Variants in KATNAL2 observed in about 807,000 individuals in gnomAD.
KATNAL2 encodes the protein katanin catalytic subunit A1 like 2.
Under a neutral mutation model 76.3 loss-of-function variants are expected in KATNAL2, and 52 were observed. That is an observed-to-expected ratio of 0.68 (90% CI 0.55 to 0.86). KATNAL2 has a LOEUF of 0.86. KATNAL2 is among the 40% of genes least tolerant of loss of function. The pLI is 0.00. For missense variants in KATNAL2, 660 were observed against 668.9 expected (o/e 0.99, Z 0.15); for synonymous variants, 243 against 244.2 (o/e 1.00, Z 0.05).
intron 8 of KATNAL2, among the ~76,000 whole-genome samples, chr18:47,061,206 T>A (rs931497328): frequency 1.3e-5 from 2 of 152,224 alleles, no homozygotes; most frequent in African/African-American, 4.8e-5. Context: ...TATAAAGGAA[T>A]ACCTGAGGCT....
chr18:47,084,513 G>T, intron 15 of KATNAL2: 3 of 639,144 alleles, frequency 4.7e-6, no homozygotes, highest in Non-Finnish European at 2.8e-6. Flanking sequence ...GTTAAAGACA[G>T]TTCAACTGGT....
In KATNAL2 at chr18:46,943,784, C is replaced by G. The variant is rs78618133; in HGVS notation, c.-509-2273C>G. Among the ~76,000 whole-genome samples the G allele has an allele frequency of 7.2e-4, 110 of 152,324 alleles. 2 individuals carry two copies. The East Asian group carries it at 0.02, about 28-fold the overall frequency. On this transcript the variant is annotated intron_variant, in intron 1 of 17. Transcript: ENST00000683218. ...TCTTTTGGGGTCTGCATCAGGACTC[C>G]TTTCTGTTAACAATTTGTCCTGCAA...
intron 16 of KATNAL2, 44 bp from the exon 17 acceptor site, chr18:47,100,210 G>T (rs747606900): frequency 7.2e-7 from 1 of 1,395,832 alleles, no homozygotes; most frequent in East Asian, 2.3e-5. Context: ...ATGGCCAGGA[G>T]CATTCTGCCC....
intron 3 of KATNAL2, chr18:47,034,791 G>A (rs761478370): frequency 6.2e-7 from 1 of 1,612,442 alleles, no homozygotes. Context: ...GGGCTATTCT[G>A]GGGCACTTTC....
intron 3 of KATNAL2, chr18:47,032,866 A>C: frequency 6.5e-7 from 1 of 1,535,164 alleles, no homozygotes; most frequent in Non-Finnish European, 8.8e-7. Context: ...AGCACATGAC[A>C]CCTGCAGAAT....
At chr18:47,098,367 A>G (rs776589645) in intron 15 of KATNAL2, 1 of 226,208 alleles carries the variant, frequency 4.4e-6, no homozygotes, top group Non-Finnish European at 9.0e-6. Context: ...GACACTTCTT[A>G]TATGGTGGCA....
chr18:47,058,327 C>A lies in KATNAL2; in HGVS notation c.425C>A (p.Ser142Ter), dbSNP rs750377654. 1 of 1,613,186 alleles carries A rather than the reference C, an allele frequency of 6.2e-7. No individual in the cohort carries two copies. The highest frequency in any genetic ancestry group is 1.1e-5 in the South Asian group (1 of 91,052). The change falls in exon 7 of 18, where the codon TCG becomes TAG. Residue 142 changes from serine to a stop codon, truncating the protein, a stop_gained. Coordinates refer to ENST00000683218, the MANE Select transcript of KATNAL2 (RefSeq NM_001387690.1). LOFTEE classifies it high-confidence loss of function. ...TTAGKTGDTK[S>*]LNKEHPNQEV... Reference sequence around the variant, plus strand: ...GCGGGGAAGACAGGGGACACCAAATCGCTCAATAAGGAGCATCCTAATCAG... The same window carrying A: ...GCGGGGAAGACAGGGGACACCAAATAGCTCAATAAGGAGCATCCTAATCAG...
intron 15 of KATNAL2, among the ~76,000 whole-genome samples, chr18:47,094,222 C>G (rs2063130705): frequency 6.6e-6 from 1 of 152,194 alleles, no homozygotes. Context: ...AGCCTCTCAC[C>G]AGACACCAAA....
intron 4 of KATNAL2, among the ~76,000 whole-genome samples, chr18:47,048,448 C>A (rs1055874612): frequency 2.5e-4 from 38 of 152,122 alleles, no homozygotes; most frequent in Non-Finnish European, 4.6e-4. Flanking sequence ...AACCTATTGC[C>A]CCCTAGAAGG....
At chr18:47,041,843 G>C (rs1015531888) in intron 3 of KATNAL2, among the ~76,000 whole-genome samples, 1 of 152,198 alleles carries the variant, frequency 6.6e-6, no homozygotes, top group Non-Finnish European at 1.5e-5. Flanking sequence ...AGCAATCAGT[G>C]AGTTTCTGTT....
At chr18:47,085,290 T>C (rs1247173230) in intron 15 of KATNAL2, among the ~76,000 whole-genome samples, 3 of 152,210 alleles carry the variant, frequency 2.0e-5, no homozygotes, top group African/African-American at 7.2e-5. Flanking sequence ...TAGAAGATTA[T>C]GGCAGTGAAA....
Position 47,084,440 on chromosome 18 carries a change from C to T in KATNAL2, c.1211+6979C>T, listed in dbSNP as rs1283650731. On this transcript the variant is annotated intron_variant, in intron 15 of 17. Coordinates refer to ENST00000683218, the MANE Select transcript of KATNAL2 (RefSeq NM_001387690.1). ...ACATTTTTCCAAAAGCAGTCTGCCA[C>T]AGGTCAGCAAGCATTGTGCAAAAAA... 4.3e-6 allele frequency: 3 copies of T among 702,082 alleles called. No individual in the cohort carries two copies. The African/African-American group carries it at 5.2e-5, about 12-fold the overall frequency. 43.5% of individuals were successfully genotyped at this position (702,082 alleles called of 1,614,324 possible). A position where few individuals can be genotyped will look rare whatever the true frequency, so the allele number is the denominator to read the frequency against.
intron 1 of KATNAL2, among the ~76,000 whole-genome samples, chr18:46,929,577 T>C (rs2058841990): frequency 6.6e-6 from 1 of 152,134 alleles, no homozygotes; most frequent in Non-Finnish European, 1.5e-5. Context: ...AGTAGTATTC[T>C]ATTGTATGAA....
intron 15 of KATNAL2, among the ~76,000 whole-genome samples, chr18:47,088,890 A>T (rs1335261077): frequency 3.9e-5 from 6 of 152,240 alleles, no homozygotes; most frequent in Admixed American, 3.9e-4. Flanking sequence ...CATGCCAATA[A>T]GAGGAGATCT....
intron 3 of KATNAL2, among the ~76,000 whole-genome samples, chr18:47,031,822 C>T (rs2060471199): frequency 2.6e-5 from 4 of 152,146 alleles, no homozygotes; most frequent in Admixed American, 2.6e-4. Flanking sequence ...CATCCCTTTT[C>T]CCAGAAAGAA....
At chr18:47,035,420 G>A (rs1317624888) in intron 3 of KATNAL2, 1 of 1,450,638 alleles carries the variant, frequency 6.9e-7, no homozygotes, top group Non-Finnish European at 9.2e-7. Flanking sequence ...CTGGGTCCTC[G>A]GAGCAGCAGG....
chr18:47,083,844 A>G lies in KATNAL2; in HGVS notation c.1211+6383A>G, dbSNP rs566639517. ...GAACAGGCCCATTAAGGCAAATGTC[A>G]TCTTTAAATACCTATTTAACTCTCT... On this transcript the variant is annotated intron_variant, in intron 15 of 17. Transcript: ENST00000683218. 1.6e-4 allele frequency among the ~76,000 whole-genome samples: 24 copies of G among 152,366 alleles called. 1 individual carries two copies. The South Asian group carries it at 5.0e-3, about 32-fold the overall frequency.
chr18:47,031,393 G>T (rs999151900), intron 3 of KATNAL2, among the ~76,000 whole-genome samples: 2 of 151,674 alleles, frequency 1.3e-5, no homozygotes, highest in African/African-American at 2.4e-5. Context: ...TTAATTTCTC[G>T]TGTGACTTTT....
chr18:46,960,876 C>G (rs765871964), intron 3 of KATNAL2, among the ~76,000 whole-genome samples: 1 of 152,138 alleles, frequency 6.6e-6, no homozygotes, highest in South Asian at 2.1e-4. Context: ...CCTCAGACAC[C>G]GGGTTAAAGA....
Sources: gnomAD v4.1 joint callset for allele counts (sites outside exome capture counted in the v4.1 genomes callset) on GRCh38, gnomAD v4.1.1 for gene constraint, MANE v1.5 for transcripts, NCBI Gene and HGNC (gene_info 2026-07-23, HGNC 2026-07-21) for gene names.